OR8D4: variants seen among roughly 807,000 people sequenced by gnomAD.
The protein encoded by OR8D4 is olfactory receptor 8D4.
For missense variants in OR8D4, 359 were observed against 372.6 expected (o/e 0.96, Z 0.30); for synonymous variants, 141 against 134.8 (o/e 1.05, Z -0.32).
At position 123,907,605 on chromosome 11, in the gene OR8D4, G is replaced by A. The variant is rs1407045854; in HGVS notation, c.*229G>A. 1 of 212,406 alleles carries A rather than the reference G, an allele frequency of 4.7e-6. No homozygotes were observed. Among genetic ancestry groups the A allele is most frequent in the African/African-American group, 2.3e-5 (1 of 43,404 alleles). The allele number at this position is 212,406 out of a possible 1,614,324, so 13.2% of individuals were successfully genotyped here. A position where few individuals can be genotyped will look rare whatever the true frequency, so the allele number is the denominator to read the frequency against. On this transcript the variant is annotated 3_prime_UTR_variant, in exon 2 of 2. Transcript: ENST00000641687. Reference sequence around the variant, plus strand: ...ATTAAAATTACAAAAAAATTAGCAGGGCATGGTGGTGGGCACCTGTAATCC... The same window carrying A: ...ATTAAAATTACAAAAAAATTAGCAGAGCATGGTGGTGGGCACCTGTAATCC...
rs570084884 is a variant in OR8D4, at chr11:123,907,601, G to T, written c.*225G>T. On this transcript the variant is annotated 3_prime_UTR_variant, in exon 2 of 2. Coordinates refer to ENST00000641687, the MANE Select transcript of OR8D4 (RefSeq NM_001005197.2). ...CACTATTAAAATTACAAAAAAATTA[G>T]CAGGGCATGGTGGTGGGCACCTGTA... is the stretch of plus-strand genomic sequence containing the variant. 568 of 219,060 alleles carry T rather than the reference G, an allele frequency of 2.6e-3. 2 individuals carry two copies. The highest frequency in any genetic ancestry group is 6.5e-3 in the Middle Eastern group (4 of 612). 13.6% of individuals were successfully genotyped at this position (219,060 alleles called of 1,614,324 possible). A position where few individuals can be genotyped will look rare whatever the true frequency, so the allele number is the denominator to read the frequency against.
chr11:123,902,970 T>G (rs190752157), intron 1 of OR8D4, among the ~76,000 whole-genome samples: 6 of 152,236 alleles, frequency 3.9e-5, no homozygotes, highest in Non-Finnish European at 8.8e-5. Flanking sequence ...GTACATCATT[T>G]TGCATGTACA....
Position 123,908,268 on chromosome 11 carries a change from G to GA in OR8D4, c.*892_*893insA, listed in dbSNP as rs1565569870. On this transcript the variant is annotated 3_prime_UTR_variant, in exon 2 of 2. Transcript: ENST00000641687. Reference sequence around the variant, plus strand: ...GTTTATAACCTTATTAAAATGTCTTGTTTTTTTTCAGCATGACCAGTATAT... The same window carrying GA: ...GTTTATAACCTTATTAAAATGTCTTGATTTTTTTTCAGCATGACCAGTATAT... 2.6e-5 allele frequency: 4 copies of GA among 151,682 alleles called. No homozygotes were observed. The South Asian group carries it at 6.2e-4, about 24-fold the overall frequency. The allele number at this position is 151,682 out of a possible 1,614,324, so 9.4% of individuals were successfully genotyped here. A position where few individuals can be genotyped will look rare whatever the true frequency, so the allele number is the denominator to read the frequency against.
rs1224792166 is a variant in OR8D4, at chr11:123,906,738, T to C, written c.307T>C (p.Phe103Leu). The change falls in exon 2 of 2, where the codon TTT becomes CTT. Residue 103 changes from phenylalanine to leucine, a missense_variant. Phe to Leu is a conservative substitution (Grantham distance 22). Transcript: ENST00000641687. ...TTCTGGATGCATGATTCAGCTGTTTTTTTTCTGTGTTTGTGTTATTTCTGA... is the reference window on the plus strand; with the variant it reads ...TTCTGGATGCATGATTCAGCTGTTTCTTTTCTGTGTTTGTGTTATTTCTGA... The part of the protein sequence containing the change: ...SYSGCMIQLF[F>L]FCVCVISECY... The C allele has an allele frequency of 2.5e-6, 4 of 1,613,946 alleles. No homozygotes were observed. In the African/African-American group the frequency reaches 5.3e-5, roughly 22 times the overall value.
chr11:123,903,480 A>C (rs1004845736), intron 1 of OR8D4, among the ~76,000 whole-genome samples: 24 of 152,174 alleles, frequency 1.6e-4, no homozygotes, highest in African/African-American at 5.8e-4. Context: ...CAATAGTCAT[A>C]GTTTTAATAA....
At position 123,908,041 on chromosome 11, in the gene OR8D4, GA is replaced by G. The variant is rs1863220926; in HGVS notation, c.*668del. On this transcript the variant is annotated 3_prime_UTR_variant, in exon 2 of 2. Transcript: ENST00000641687. Reference sequence around the variant, plus strand: ...TCAAAAAAAATTGAGCAGCGTGATGGAAATTATTACAACAATTTTGTAATAA... The same window carrying G: ...TCAAAAAAAATTGAGCAGCGTGATGGAATTATTACAACAATTTTGTAATAA... 1.3e-5 allele frequency: 2 copies of G among 152,034 alleles called. No homozygotes were observed. The highest frequency in any genetic ancestry group is 6.6e-5 in the Admixed American group (1 of 15,248). The allele number at this position is 152,034 out of a possible 1,614,324, so 9.4% of individuals were successfully genotyped here.
chr11:123,902,556 C>G (rs1268549232), intron 1 of OR8D4, among the ~76,000 whole-genome samples: 1 of 152,102 alleles, frequency 6.6e-6, no homozygotes, highest in South Asian at 2.1e-4. Flanking sequence ...CAGTTATTGT[C>G]TCATTTGATT....
At chr11:123,906,054 C>G (rs1408354404) in intron 1 of OR8D4, 1 of 183,306 alleles carries the variant, frequency 5.5e-6, no homozygotes, top group African/African-American at 2.4e-5. Context: ...TTCCTACTTT[C>G]TCTAATTAGT....
chr11:123,906,394 CTT>C (rs1863198444), intron 1 of OR8D4, 21 bp from the exon 2 acceptor site: 2 of 1,358,378 alleles, frequency 1.5e-6, no homozygotes, highest in African/African-American at 2.9e-5. Context: ...TAGAATTTGA[CTT>C]TTTCTCTCTC....
rs1420039065 is a variant in OR8D4 at position 123,906,808 on chromosome 11, T to C, written c.377T>C (p.Ile126Thr). The C allele has an allele frequency of 2.5e-6, 4 of 1,613,900 alleles. No homozygotes were observed. The highest frequency in any genetic ancestry group is 3.4e-6 in the Non-Finnish European group (4 of 1,179,944). Reference protein sequence around the residue: ...AAMACDRYVAICSPLLYRVIM... With the variant: ...AAMACDRYVATCSPLLYRVIM... The stretch of plus-strand genomic sequence containing the variant: ...ATGGCCTGCGATCGCTACGTGGCCA[T>C]CTGCAGCCCACTGCTCTACAGGGTC... Residue 126 changes from isoleucine to threonine, a missense_variant, in exon 2 of 2, where the codon ATC (isoleucine) becomes ACC (threonine). Ile to Thr is a moderately conservative substitution (Grantham distance 89). Coordinates refer to ENST00000641687, the MANE Select transcript of OR8D4 (RefSeq NM_001005197.2).
chr11:123,907,136 C>G lies in OR8D4; in HGVS notation c.705C>G (p.Cys235Trp), dbSNP rs1265186612. The stretch of plus-strand genomic sequence containing the variant: ...GCATCCACTCTAAAAAGGGCAGGTG[C>G]AAAGCGTTTAGCACCTGTAGCTCCC... ...ILRIHSKKGR[C>W]KAFSTCSSHL... The change falls in exon 2 of 2, where the codon TGC (cysteine) becomes TGG (tryptophan). Residue 235 changes from cysteine to tryptophan, a missense_variant. By Grantham distance (215) the Cys-to-Trp change is radical. Coordinates refer to ENST00000641687, the MANE Select transcript of OR8D4 (RefSeq NM_001005197.2). The G allele has an allele frequency of 4.3e-6, 7 of 1,613,808 alleles. No individual in the cohort carries two copies. Among genetic ancestry groups the G allele is most frequent in the Non-Finnish European group, 5.9e-6 (7 of 1,179,900 alleles).
chr11:123,907,256 A>C lies in OR8D4; in HGVS notation c.825A>C (p.Ser275=). Residue 275 remains serine (S), a synonymous_variant, in exon 2 of 2, where the codon TCA becomes TCC. Coordinates refer to ENST00000641687, the MANE Select transcript of OR8D4 (RefSeq NM_001005197.2). Reference sequence around the variant, plus strand: ...CACTCACCCAGGAGAAAGTATCCTCAGTATTTTATACCACTGTGATTCTCA... The same window carrying C: ...CACTCACCCAGGAGAAAGTATCCTCCGTATTTTATACCACTGTGATTCTCA... ...SSSLTQEKVS[S]VFYTTVILML... 6.2e-7 allele frequency: 1 copy of C among 1,611,168 alleles called. No individual in the cohort carries two copies. The highest frequency in any genetic ancestry group is 8.5e-7 in the Non-Finnish European group (1 of 1,177,352).
chr11:123,906,278 G>A (rs959392974), intron 1 of OR8D4, 139 bp from the exon 2 acceptor site: 9 of 584,194 alleles, frequency 1.5e-5, no homozygotes, highest in Admixed American at 3.2e-5. Context: ...GATGCTTACC[G>A]ACTCCATTTC....
In OR8D4 at chr11:123,907,100, C is replaced by T. The variant is rs1863209529; in HGVS notation, c.669C>T (p.Thr223=). The T allele has an allele frequency of 6.2e-7, 1 of 1,614,004 alleles. No individual in the cohort carries two copies. The highest frequency in any genetic ancestry group is 8.5e-7 in the Non-Finnish European group (1 of 1,179,952). Reference sequence around the variant, plus strand: ...TTATTTCATATGCTTTTATCCTCACCAGCATCCTGCGCATCCACTCTAAAA... The same window carrying T: ...TTATTTCATATGCTTTTATCCTCACTAGCATCCTGCGCATCCACTCTAAAA... ...TIIISYAFIL[T]SILRIHSKKG... The change falls in exon 2 of 2, where the codon ACC becomes ACT. Residue 223 remains threonine (T), a synonymous_variant. Coordinates refer to ENST00000641687, the MANE Select transcript of OR8D4 (RefSeq NM_001005197.2).
At position 123,907,115 on chromosome 11, in the gene OR8D4, C is replaced by A; in HGVS notation, c.684C>A (p.Ile228=). The change falls in exon 2 of 2, where the codon ATC becomes ATA. Residue 228 remains isoleucine, a synonymous_variant. Transcript: ENST00000641687. ...TTATCCTCACCAGCATCCTGCGCAT[C>A]CACTCTAAAAAGGGCAGGTGCAAAG... is the stretch of plus-strand genomic sequence containing the variant. The part of the protein sequence containing the change: ...YAFILTSILR[I]HSKKGRCKAF... 1 of 1,613,994 alleles carries A rather than the reference C, an allele frequency of 6.2e-7. No homozygotes were observed. Among genetic ancestry groups the A allele is most frequent in the East Asian group, 2.2e-5 (1 of 44,834 alleles).
intron 1 of OR8D4, among the ~76,000 whole-genome samples, chr11:123,903,115 TA>T (rs141207643): frequency 0.019 from 2,875 of 152,108 alleles, 95 homozygotes; most frequent in African/African-American, 0.064. Context: ...AACAATATAC[TA>T]AAAGAAATAT....
In OR8D4 at chr11:123,907,395, T is replaced by C. The variant is rs924925944; in HGVS notation, c.*19T>C. ...AGGATAAATATGCTCTTTATTAAGA[T>C]CTATTTCTGTATTCATAATCATGAT... On this transcript the variant is annotated 3_prime_UTR_variant, in exon 2 of 2. Transcript: ENST00000641687. 2.1e-6 allele frequency: 2 copies of C among 970,306 alleles called. No homozygotes were observed. The highest frequency in any genetic ancestry group is 3.3e-5 in the African/African-American group (2 of 60,834). The allele number at this position is 970,306 out of a possible 1,614,324, so 60.1% of individuals were successfully genotyped here. A position where few individuals can be genotyped will look rare whatever the true frequency, so the allele number is the denominator to read the frequency against.
intron 1 of OR8D4, among the ~76,000 whole-genome samples, chr11:123,904,637 G>A (rs1863185966): frequency 6.6e-6 from 1 of 152,168 alleles, no homozygotes; most frequent in Non-Finnish European, 1.5e-5. Flanking sequence ...TGAGAGAGGA[G>A]CAGATACAAA....
At chr11:123,903,677 A>T (rs1203112680) in intron 1 of OR8D4, among the ~76,000 whole-genome samples, 1 of 152,144 alleles carries the variant, frequency 6.6e-6, no homozygotes, top group Admixed American at 6.6e-5. Flanking sequence ...AATAAAGTAG[A>T]TGCTGGTTAT....
Sources: allele counts gnomAD v4.1 joint callset (sites outside exome capture counted in the v4.1 genomes callset), GRCh38; gene constraint gnomAD v4.1.1; transcripts MANE v1.5; gene names NCBI Gene and HGNC (gene_info 2026-07-23, HGNC 2026-07-21).